The following SMIM31 variants were observed in gnomAD, a reference collection of about 807,000 sequenced individuals.
SMIM31 encodes human epithelial cell program regulator.
intron 1 of SMIM31, among the ~76,000 whole-genome samples, chr4:164,769,185 G>A (rs1325650800): frequency 6.6e-6 from 1 of 152,084 alleles, no homozygotes; most frequent in Non-Finnish European, 1.5e-5. Context: ...CTCACTCTGA[G>A]TTTTTTCCAG....
intron 1 of SMIM31, among the ~76,000 whole-genome samples, chr4:164,765,732 G>A (rs758649287): frequency 6.6e-5 from 10 of 152,090 alleles, no homozygotes; most frequent in Non-Finnish European, 1.0e-4. Flanking sequence ...AGGCAAGGGG[G>A]GAGTGGGCAC....
At position 164,794,818 on chromosome 4, in the gene SMIM31, A is replaced by G. The variant is rs1378828429; in HGVS notation, c.113-6273A>G. ...GACTCCGTCTCAAAAAATAATAATA[A>G]TAATAATAATTTTAAAAAACTAAAA... On this transcript the variant is annotated intron_variant, in intron 2 of 2. Transcript: ENST00000507311. Among the ~76,000 whole-genome samples the G allele has an allele frequency of 9.2e-5, 14 of 151,840 alleles. No homozygotes were observed. In the East Asian group the frequency reaches 2.7e-3, roughly 29 times the overall value.
chr4:164,780,154 G>A (rs954037280), intron 2 of SMIM31, among the ~76,000 whole-genome samples: 11 of 152,168 alleles, frequency 7.2e-5, no homozygotes, highest in East Asian at 1.9e-4. Context: ...GTGGCCGGGC[G>A]CGGTGGCTCA....
At chr4:164,797,294 G>A (rs1733210904) in intron 2 of SMIM31, among the ~76,000 whole-genome samples, 1 of 151,520 alleles carries the variant, frequency 6.6e-6, no homozygotes, top group East Asian at 1.9e-4. Flanking sequence ...GTTATTTATT[G>A]TCTATCTCTG....
At chr4:164,781,760 C>A (rs1732952345) in intron 2 of SMIM31, among the ~76,000 whole-genome samples, 1 of 152,102 alleles carries the variant, frequency 6.6e-6, no homozygotes, top group Admixed American at 6.6e-5. Flanking sequence ...GCAAAAAGAG[C>A]CAACTTCATA....
intron 2 of SMIM31, among the ~76,000 whole-genome samples, chr4:164,773,983 G>C (rs548688210): frequency 1.4e-4 from 21 of 152,066 alleles, no homozygotes; most frequent in African/African-American, 4.3e-4. Flanking sequence ...TGGATAACAT[G>C]GTGAAACCCC....
rs35632469 is a variant in SMIM31 at position 164,758,801 on chromosome 4, A to ATTTTTTTTTTTTTTT, written c.-26+4416_-26+4430dup. On this transcript the variant is annotated intron_variant, in intron 1 of 2. Coordinates refer to ENST00000507311, the MANE Select transcript of SMIM31 (RefSeq NM_001352885.1). Reference sequence around the variant, plus strand: ...GGCGCCCGCCACCACGCCCGGCCAAATTTTTTTTTTTTTTTTTTTTTTTTT... The same window carrying ATTTTTTTTTTTTTTT: ...GGCGCCCGCCACCACGCCCGGCCAAATTTTTTTTTTTTTTTTTTTTTTTTTTTTTTTTTTTTTTTT... Among the ~76,000 whole-genome samples, 61 of 60,906 alleles carry ATTTTTTTTTTTTTTT rather than the reference A, an allele frequency of 1.0e-3. 1 individual carries two copies. Among genetic ancestry groups the ATTTTTTTTTTTTTTT allele is most frequent in the African/African-American group, 1.2e-3 (18 of 14,818 alleles). The allele number at this position is 60,906 out of a possible 152,430, so 40.0% of individuals were successfully genotyped here.
At chr4:164,783,871 G>T (rs572602165) in intron 2 of SMIM31, among the ~76,000 whole-genome samples, 1 of 152,148 alleles carries the variant, frequency 6.6e-6, no homozygotes, top group African/African-American at 2.4e-5. Flanking sequence ...TCATTTATAT[G>T]AATTTTCCTG....
At chr4:164,793,534 G>A (rs1560832237) in intron 2 of SMIM31, among the ~76,000 whole-genome samples, 1 of 152,136 alleles carries the variant, frequency 6.6e-6, no homozygotes, top group African/African-American at 2.4e-5. Flanking sequence ...CAAGATCAAG[G>A]TACTGGTCAA....
intron 2 of SMIM31, among the ~76,000 whole-genome samples, chr4:164,771,672 G>T (rs1036553153): frequency 2.0e-5 from 3 of 152,038 alleles, no homozygotes; most frequent in Non-Finnish European, 4.4e-5. Context: ...AGCTGGGCTT[G>T]GTAGCACGCA....
intron 1 of SMIM31, among the ~76,000 whole-genome samples, chr4:164,760,205 G>C (rs1732627398): frequency 6.6e-6 from 1 of 152,166 alleles, no homozygotes; most frequent in African/African-American, 2.4e-5. Context: ...ACATTTGCAA[G>C]GATACTGGCT....
rs570232567 is a variant in SMIM31 at position 164,802,550 on chromosome 4, CT to C, written c.*1358del. On this transcript the variant is annotated 3_prime_UTR_variant, in exon 3 of 3. Coordinates refer to ENST00000507311, the MANE Select transcript of SMIM31 (RefSeq NM_001352885.1). ...CATGCCTGGCCTGTTATTTATAACT[CT>C]TACAAACATTAAACCATCACAATCA... 6.2e-4 allele frequency: 94 copies of C among 152,258 alleles called. No individual in the cohort carries two copies. The highest frequency in any genetic ancestry group is 2.2e-3 in the African/African-American group (93 of 41,546). The allele number at this position is 152,258 out of a possible 1,614,324, so 9.4% of individuals were successfully genotyped here.
chr4:164,756,327 T>C (rs531173536), intron 1 of SMIM31, among the ~76,000 whole-genome samples: 5 of 152,078 alleles, frequency 3.3e-5, no homozygotes, highest in African/African-American at 9.6e-5. Context: ...TCCCAGCACT[T>C]TGGGAGGCTG....
At chr4:164,796,289 G>T (rs533354060) in intron 2 of SMIM31, among the ~76,000 whole-genome samples, 8 of 152,030 alleles carry the variant, frequency 5.3e-5, no homozygotes, top group Admixed American at 3.3e-4. Context: ...ATGTTACTGC[G>T]GTGATGATTT....
intron 2 of SMIM31, among the ~76,000 whole-genome samples, chr4:164,797,609 G>T (rs1038742021): frequency 6.6e-6 from 1 of 151,890 alleles, no homozygotes; most frequent in Non-Finnish European, 1.5e-5. Flanking sequence ...AACTACAGGT[G>T]CGTGCCACCA....
intron 2 of SMIM31, among the ~76,000 whole-genome samples, chr4:164,779,987 T>C (rs1732926548): frequency 6.6e-6 from 1 of 152,186 alleles, no homozygotes; most frequent in African/African-American, 2.4e-5. Context: ...AATTTTGCTC[T>C]GTTGTGTCCC....
intron 2 of SMIM31, among the ~76,000 whole-genome samples, chr4:164,790,068 A>G (rs1733080225): frequency 6.6e-6 from 1 of 152,198 alleles, no homozygotes; most frequent in South Asian, 2.1e-4. Context: ...ATTCAAGGGA[A>G]CCAGATAAGC....
At position 164,803,467 on chromosome 4, in the gene SMIM31, A is replaced by T. The variant is rs1055803506; in HGVS notation, c.*2273A>T. 2.6e-5 allele frequency: 4 copies of T among 152,262 alleles called. No individual in the cohort carries two copies. Among genetic ancestry groups the T allele is most frequent in the African/African-American group, 9.6e-5 (4 of 41,548 alleles). The allele number at this position is 152,262 out of a possible 1,614,324, so 9.4% of individuals were successfully genotyped here. ...TGTCAAGTTAGATGTTAAAGAGGACATGTAAAATAAAATCTCCCTAACATG... is the reference window on the plus strand; with the variant it reads ...TGTCAAGTTAGATGTTAAAGAGGACTTGTAAAATAAAATCTCCCTAACATG... On this transcript the variant is annotated 3_prime_UTR_variant, in exon 3 of 3. Transcript: ENST00000507311.
chr4:164,780,139 G>A (rs1046853090), intron 2 of SMIM31, among the ~76,000 whole-genome samples: 1 of 152,112 alleles, frequency 6.6e-6, no homozygotes, highest in Non-Finnish European at 1.5e-5. Flanking sequence ...TTAAAAATAG[G>A]AATAGTGGCC....
Sources: allele counts gnomAD v4.1 joint callset (sites outside exome capture counted in the v4.1 genomes callset), GRCh38; gene constraint gnomAD v4.1.1; transcripts MANE v1.5; gene names NCBI Gene and HGNC (gene_info 2026-07-23, HGNC 2026-07-21).